Variants in SGMS1 observed in about 807,000 individuals in gnomAD.
SGMS1 encodes phosphatidylcholine:ceramide cholinephosphotransferase 1.
Under a neutral mutation model 46.2 loss-of-function variants are expected in SGMS1, and 13 were observed. The ratio of observed to expected loss-of-function variants is 0.28; its 90% CI spans 0.18 to 0.45. The LOEUF (loss-of-function observed/expected upper bound fraction) is 0.45. Ranked by LOEUF, SGMS1 falls within the 20% of genes least tolerant of loss-of-function variation. The pLI, the probability that SGMS1 is intolerant of heterozygous loss-of-function variation, is 1.00. For missense variants in SGMS1, 324 were observed against 519.9 expected (o/e 0.62, Z 3.66); for synonymous variants, 203 against 187.8 (o/e 1.08, Z -0.66).
chr10:50,413,807 G>T (rs1849132679), intron 6 of SGMS1, among the ~76,000 whole-genome samples: 1 of 152,124 alleles, frequency 6.6e-6, no homozygotes, highest in South Asian at 2.1e-4. Flanking sequence ...ATAAGAAAGA[G>T]GTCTCCTAAA....
At chr10:50,326,874 G>A (rs900677277) in intron 8 of SGMS1, among the ~76,000 whole-genome samples, 4 of 152,028 alleles carry the variant, frequency 2.6e-5, no homozygotes, top group Non-Finnish European at 4.4e-5. Context: ...ACTTGAAATC[G>A]AGCTCTCCCT....
chr10:50,559,417 A>G (rs1477360504), intron 2 of SGMS1, among the ~76,000 whole-genome samples: 7 of 152,228 alleles, frequency 4.6e-5, no homozygotes, highest in Non-Finnish European at 1.0e-4. Flanking sequence ...AAAAGCAACC[A>G]TATACAATAG....
intron 3 of SGMS1, 35 bp from the exon 4 acceptor site, chr10:50,466,967 T>C (rs1334935908): frequency 6.6e-6 from 1 of 152,230 alleles, no homozygotes; most frequent in East Asian, 1.9e-4. Context: ...AAGTGCATTC[T>C]TTGTGCAATG....
intron 1 of SGMS1, among the ~76,000 whole-genome samples, chr10:50,595,269 A>T (rs1450778040): frequency 6.6e-6 from 1 of 151,522 alleles, no homozygotes; most frequent in East Asian, 1.9e-4. Flanking sequence ...TCCACCTCCC[A>T]GGTTCAAGCA....
intron 6 of SGMS1, among the ~76,000 whole-genome samples, chr10:50,385,080 A>G (rs941977909): frequency 5.9e-5 from 9 of 151,940 alleles, no homozygotes; most frequent in Non-Finnish European, 1.0e-4. Context: ...TTTTTACCGA[A>G]TATCTCCAGT....
intron 3 of SGMS1, among the ~76,000 whole-genome samples, chr10:50,506,740 G>A (rs956621654): frequency 6.6e-6 from 1 of 152,130 alleles, no homozygotes; most frequent in African/African-American, 2.4e-5. Context: ...GTGACAGGAA[G>A]TAAAAAGGCA....
intron 3 of SGMS1, among the ~76,000 whole-genome samples, chr10:50,498,184 G>T (rs1162503498): frequency 1.3e-5 from 2 of 152,148 alleles, no homozygotes; most frequent in African/African-American, 4.8e-5. Flanking sequence ...TGCTGTTTGG[G>T]GGAGGGGATC....
At chr10:50,505,597 C>T (rs780206930) in intron 3 of SGMS1, among the ~76,000 whole-genome samples, 2 of 152,174 alleles carry the variant, frequency 1.3e-5, no homozygotes, top group African/African-American at 2.4e-5. Flanking sequence ...ATGATTCTTT[C>T]AACAAGTACT....
chr10:50,569,395 AAAG>A (rs1439891915), intron 2 of SGMS1, among the ~76,000 whole-genome samples: 1 of 152,076 alleles, frequency 6.6e-6, no homozygotes, highest in East Asian at 1.9e-4. Context: ...GACATAGCAG[AAAG>A]AAGACTGGTT....
rs117160999 is a variant in SGMS1 at position 50,375,351 on chromosome 10, G to A, written c.-231-31006C>T. The stretch of plus-strand genomic sequence containing the variant: ...CACATGGATTTGTAAAATGGGTCAT[G>A]GTTGAGAACACAGAAGGCATCAAAC... On this transcript the variant is annotated intron_variant, in intron 6 of 10. Coordinates refer to ENST00000361781, the MANE Select transcript of SGMS1 (RefSeq NM_147156.4). 4.1e-3 allele frequency among the ~76,000 whole-genome samples: 620 copies of A among 152,288 alleles called. 2 individuals carry two copies. The highest frequency in any genetic ancestry group is 8.5e-3 in the South Asian group (41 of 4,824).
chr10:50,388,529 T>G (rs916460970), intron 6 of SGMS1, among the ~76,000 whole-genome samples: 1 of 148,252 alleles, frequency 6.7e-6, no homozygotes, highest in Non-Finnish European at 1.5e-5. Flanking sequence ...CCTGTAATCC[T>G]AGATACTCAG....
chr10:50,580,158 A>C (rs1165674838), intron 2 of SGMS1, among the ~76,000 whole-genome samples: 1 of 152,148 alleles, frequency 6.6e-6, no homozygotes, highest in East Asian at 1.9e-4. Flanking sequence ...CTGTTTACAC[A>C]CTGTAAACAC....
intron 2 of SGMS1, among the ~76,000 whole-genome samples, chr10:50,570,104 C>T (rs982387645): frequency 6.6e-6 from 1 of 152,188 alleles, no homozygotes; most frequent in Non-Finnish European, 1.5e-5. Context: ...TAATGGAAAG[C>T]TTTTCTAGGT....
chr10:50,458,113 G>A (rs944614117), intron 5 of SGMS1, among the ~76,000 whole-genome samples: 3 of 152,206 alleles, frequency 2.0e-5, no homozygotes, highest in African/African-American at 7.2e-5. Flanking sequence ...CCTCGTTGAT[G>A]AACAACACCA....
At chr10:50,340,092 G>A (rs558625611) in intron 7 of SGMS1, among the ~76,000 whole-genome samples, 1 of 152,214 alleles carries the variant, frequency 6.6e-6, no homozygotes, top group Non-Finnish European at 1.5e-5. Flanking sequence ...GGAAGAAAAA[G>A]TTGGAAGAAA....
intron 2 of SGMS1, among the ~76,000 whole-genome samples, chr10:50,551,947 T>C (rs1282374961): frequency 6.6e-6 from 1 of 152,178 alleles, no homozygotes; most frequent in Non-Finnish European, 1.5e-5. Context: ...TGGCAAACTT[T>C]TTGTGTAAAA....
intron 7 of SGMS1, among the ~76,000 whole-genome samples, chr10:50,338,034 C>T (rs1458130164): frequency 6.6e-6 from 1 of 152,138 alleles, no homozygotes; most frequent in East Asian, 1.9e-4. Context: ...AACAAAACCC[C>T]TAGAAACAGT....
intron 3 of SGMS1, among the ~76,000 whole-genome samples, chr10:50,468,941 C>A (rs1281265783): frequency 6.6e-6 from 1 of 152,174 alleles, no homozygotes; most frequent in Non-Finnish European, 1.5e-5. Flanking sequence ...TATGCCTTTA[C>A]ACTTAACCCC....
intron 6 of SGMS1, among the ~76,000 whole-genome samples, chr10:50,401,077 C>T (rs1040041977): frequency 2.0e-5 from 3 of 152,164 alleles, no homozygotes; most frequent in Admixed American, 6.5e-5. Context: ...AGACATACGA[C>T]GTAAACCAGG....
Sources: allele counts gnomAD v4.1 joint callset (sites outside exome capture counted in the v4.1 genomes callset), GRCh38; gene constraint gnomAD v4.1.1; transcripts MANE v1.5; gene names NCBI Gene and HGNC (gene_info 2026-07-23, HGNC 2026-07-21).